The following PTPRT variants were observed in gnomAD, a reference collection of about 807,000 sequenced individuals.
PTPRT encodes the protein protein tyrosine phosphatase receptor type T.
In PTPRT, 56 loss-of-function variants were observed where a neutral mutation model predicts 176.8. The ratio of observed to expected loss-of-function variants is 0.32; its 90% confidence interval spans 0.26 to 0.40. The LOEUF is 0.40. PTPRT is among the 10% of genes least tolerant of loss of function. The probability of loss-of-function intolerance (pLI) is 1.00; values close to 1 mark genes in which losing one functional copy is unlikely to be tolerated. For synonymous variants in PTPRT, 783 were observed against 739.0 expected (o/e 1.06, Z -0.96); for missense variants, 1,540 against 1,908.2 (o/e 0.81, Z 3.60).
intron 8 of PTPRT, among the ~76,000 whole-genome samples, chr20:42,449,431 G>A (rs151322858): frequency 4.6e-5 from 7 of 152,238 alleles, no homozygotes; most frequent in African/African-American, 1.7e-4. Flanking sequence ...CAAACTTTCT[G>A]CTGTAACCCC....
At chr20:42,858,490 C>T (rs185683575) in intron 2 of PTPRT, among the ~76,000 whole-genome samples, 1 of 152,162 alleles carries the variant, frequency 6.6e-6, no homozygotes, top group East Asian at 1.9e-4. Context: ...TGGTATTAAG[C>T]GATGAGGACT....
At chr20:42,564,565 T>G (rs1363323137) in intron 7 of PTPRT, among the ~76,000 whole-genome samples, 2 of 151,878 alleles carry the variant, frequency 1.3e-5, no homozygotes, top group East Asian at 1.9e-4. Flanking sequence ...CATCACACAC[T>G]GGGGCCTGTC....
intron 7 of PTPRT, among the ~76,000 whole-genome samples, chr20:42,481,878 G>A (rs1199087686): frequency 6.6e-6 from 1 of 151,968 alleles, no homozygotes; most frequent in Non-Finnish European, 1.5e-5. Context: ...TGTACTTAGA[G>A]TTTTCTCTGA....
chr20:42,569,094 A>G (rs1421668321), intron 7 of PTPRT, among the ~76,000 whole-genome samples: 1 of 115,750 alleles, frequency 8.6e-6, no homozygotes, highest in Non-Finnish European at 1.8e-5. Context: ...ATATATATAT[A>G]TATATATATA....
chr20:42,629,822 A>G (rs916661099), intron 7 of PTPRT, among the ~76,000 whole-genome samples: 6 of 152,210 alleles, frequency 3.9e-5, no homozygotes, highest in Admixed American at 6.5e-5. Flanking sequence ...TCCAAACGAC[A>G]TGGGAACCAG....
intron 11 of PTPRT, among the ~76,000 whole-genome samples, chr20:42,334,270 C>A (rs968823826): frequency 3.9e-5 from 6 of 152,154 alleles, no homozygotes; most frequent in Non-Finnish European, 5.9e-5. Flanking sequence ...CTGACCCCCA[C>A]TCACTAACTA....
chr20:42,794,134 T>C (rs1009113289), intron 2 of PTPRT, among the ~76,000 whole-genome samples: 3 of 152,160 alleles, frequency 2.0e-5, no homozygotes, highest in Non-Finnish European at 4.4e-5. Flanking sequence ...GATTGCCCTG[T>C]TCCATGTAGC....
intron 17 of PTPRT, among the ~76,000 whole-genome samples, chr20:42,146,495 C>A (rs949593121): frequency 6.6e-6 from 1 of 152,192 alleles, no homozygotes; most frequent in Non-Finnish European, 1.5e-5. Context: ...GCAGGTTTTA[C>A]AACTCCCAAA....
At chr20:42,455,019 G>A (rs1272664756) in intron 8 of PTPRT, among the ~76,000 whole-genome samples, 1 of 152,232 alleles carries the variant, frequency 6.6e-6, no homozygotes, top group African/African-American at 2.4e-5. Flanking sequence ...ACTTGGTTGG[G>A]TTACTCTGAG....
chr20:42,445,619 G>T (rs148652197), intron 9 of PTPRT, among the ~76,000 whole-genome samples: 2 of 152,200 alleles, frequency 1.3e-5, no homozygotes, highest in Middle Eastern at 6.8e-3. Context: ...GGCATATTCC[G>T]CAAAAGTAGC....
At chr20:42,399,859 G>C (rs190012660) in intron 9 of PTPRT, among the ~76,000 whole-genome samples, 1 of 152,198 alleles carries the variant, frequency 6.6e-6, no homozygotes, top group East Asian at 1.9e-4. Flanking sequence ...TCACCCGGAA[G>C]AATGTATTGT....
intron 7 of PTPRT, among the ~76,000 whole-genome samples, chr20:42,587,551 A>G (rs989807690): frequency 6.6e-6 from 1 of 152,212 alleles, no homozygotes; most frequent in Non-Finnish European, 1.5e-5. Context: ...GACTTGGGCC[A>G]CGGACTGCAA....
chr20:42,784,424 G>C (rs1304665885), intron 3 of PTPRT, among the ~76,000 whole-genome samples: 1 of 152,186 alleles, frequency 6.6e-6, no homozygotes, highest in East Asian at 1.9e-4. Context: ...TTCATGGGGA[G>C]AGATTGTTTA....
chr20:42,297,989 G>C lies in PTPRT; in HGVS notation c.2140-15464C>G, dbSNP rs111599874. Among the ~76,000 whole-genome samples, 345 of 152,038 alleles carry C rather than the reference G, an allele frequency of 2.3e-3. 3 individuals are homozygous for C. The highest frequency in any genetic ancestry group is 4.4e-3 in the Non-Finnish European group (296 of 67,944). On this transcript the variant is annotated intron_variant, in intron 12 of 30. Transcript: ENST00000373187. Reference sequence around the variant, plus strand: ...AAAAACTTTTTAACTGTGATTCAAAGTTTAAATGTAATAAAAGAAAAAAAA... The same window carrying C: ...AAAAACTTTTTAACTGTGATTCAAACTTTAAATGTAATAAAAGAAAAAAAA...
intron 2 of PTPRT, among the ~76,000 whole-genome samples, chr20:42,830,398 C>T (rs761080431): frequency 4.6e-5 from 7 of 152,110 alleles, no homozygotes; most frequent in Non-Finnish European, 7.4e-5. Context: ...AATTCAATAT[C>T]GCTTCATGTT....
At chr20:42,668,731 G>A (rs370398179) in intron 7 of PTPRT, among the ~76,000 whole-genome samples, 1 of 150,264 alleles carries the variant, frequency 6.7e-6, no homozygotes, top group African/African-American at 2.5e-5. Flanking sequence ...TCGCTCTGTC[G>A]TCCAGGCTGG....
chr20:42,933,744 T>C lies in PTPRT; in HGVS notation c.89-47812A>G, dbSNP rs572257014. On this transcript the variant is annotated intron_variant, in intron 1 of 30. Transcript: ENST00000373187. ...GTCAAAGCATCCCTCTTTTTGTTGATTTACTTTAAAATGCAACTCAGTGGC... is the reference window on the plus strand; with the variant it reads ...GTCAAAGCATCCCTCTTTTTGTTGACTTACTTTAAAATGCAACTCAGTGGC... Among the ~76,000 whole-genome samples the C allele has an allele frequency of 3.9e-4, 59 of 152,282 alleles. 2 individuals carry two copies. The highest frequency in any genetic ancestry group is 8.5e-4 in the Admixed American group (13 of 15,290).
At chr20:42,528,369 C>A (rs180996179) in intron 7 of PTPRT, among the ~76,000 whole-genome samples, 17 of 151,468 alleles carry the variant, frequency 1.1e-4, no homozygotes, top group African/African-American at 4.1e-4. Flanking sequence ...CAGTGTCTGG[C>A]GTATACTAGA....
At chr20:42,276,531 AT>A (rs2057037137) in intron 13 of PTPRT, among the ~76,000 whole-genome samples, 1 of 44,972 alleles carries the variant, frequency 2.2e-5, no homozygotes, top group Non-Finnish European at 4.6e-5. Context: ...ATATATATAT[AT>A]ATATATATAT....
Sources: allele counts gnomAD v4.1 joint callset (sites outside exome capture counted in the v4.1 genomes callset), GRCh38; gene constraint gnomAD v4.1.1; transcripts MANE v1.5; gene names NCBI Gene and HGNC (gene_info 2026-07-23, HGNC 2026-07-21).